Variants in ST3GAL2 observed in about 807,000 individuals in gnomAD.
The protein encoded by ST3GAL2 is ST3 beta-galactoside alpha-2,3-sialyltransferase 2, also known as CMP-N-acetylneuraminate-beta-galactosamide-alpha-2,3-sialyltransferase 2.
ST3GAL2 carries 16 observed loss-of-function variants against 37.5 expected under a neutral mutation model. The ratio of observed to expected loss-of-function variants is 0.43; its 90% confidence interval spans 0.29 to 0.65. The LOEUF (loss-of-function observed/expected upper bound fraction) is 0.65, where lower values mean the gene tolerates loss of function less well. ST3GAL2 is among the 30% of genes least tolerant of loss of function. The pLI is 0.17. For missense variants in ST3GAL2, 383 were observed against 487.8 expected, an observed-to-expected ratio of 0.79 and a Z score of 2.02; for synonymous variants, 238 against 202.9, an observed-to-expected ratio of 1.17 and a Z score of -1.47.
chr16:70,406,403 A>G (rs2047592553), intron 1 of ST3GAL2, among the ~76,000 whole-genome samples: 2 of 151,702 alleles, frequency 1.3e-5, no homozygotes. Flanking sequence ...CCCAGCTACT[A>G]GGGAGGCTGA....
chr16:70,394,891 C>T, intron 3 of ST3GAL2, 91 bp downstream of exon 3: 2 of 1,438,236 alleles, frequency 1.4e-6, no homozygotes, highest in Non-Finnish European at 9.4e-7. Context: ...CGGTAGCTGG[C>T]AGCATGCACC....
chr16:70,420,654 A>C (rs2151674757), intron 1 of ST3GAL2, among the ~76,000 whole-genome samples: 1 of 152,306 alleles, frequency 6.6e-6, no homozygotes, highest in South Asian at 2.1e-4. Context: ...ACAAACCAGT[A>C]ACTTGTTCTT....
intron 1 of ST3GAL2, chr16:70,400,500 G>C (rs973753702): frequency 2.0e-5 from 3 of 152,422 alleles, no homozygotes; most frequent in Admixed American, 1.3e-4. Flanking sequence ...TGTCCTTGTT[G>C]AAGTCTCCAG....
At chr16:70,420,694 C>T (rs548402040) in intron 1 of ST3GAL2, among the ~76,000 whole-genome samples, 6 of 152,322 alleles carry the variant, frequency 3.9e-5, no homozygotes, top group African/African-American at 7.2e-5. Flanking sequence ...ATTCTTTGCA[C>T]GCCCTATCTT....
chr16:70,428,469 C>A (rs987870727), intron 1 of ST3GAL2, among the ~76,000 whole-genome samples: 1 of 152,234 alleles, frequency 6.6e-6, no homozygotes. Flanking sequence ...AACAACCCCT[C>A]CCCCGCTTCC....
rs1170995230 is a variant in ST3GAL2 at position 70,381,417 on chromosome 16, G to C, written c.*272C>G. ...GGGAGTGGGGATTGAGCGGCCGCTG[G>C]CCCGCCCCCGAAGGCCATTGATTGG... On this transcript the variant is annotated 3_prime_UTR_variant, in exon 7 of 7. Coordinates refer to ENST00000342907, the MANE Select transcript of ST3GAL2 (RefSeq NM_006927.4). 1 of 444,402 alleles carries C rather than the reference G, an allele frequency of 2.3e-6. No homozygotes were observed. The highest frequency in any genetic ancestry group is 4.1e-6 in the Non-Finnish European group (1 of 246,564). The allele number at this position is 444,402 out of a possible 1,614,324, so 27.5% of individuals were successfully genotyped here. A position where few individuals can be genotyped will look rare whatever the true frequency, so the allele number is the denominator to read the frequency against.
intron 1 of ST3GAL2, among the ~76,000 whole-genome samples, chr16:70,415,171 G>C (rs2047667383): frequency 6.6e-6 from 1 of 152,142 alleles, no homozygotes; most frequent in South Asian, 2.1e-4. Flanking sequence ...ATCACGCCCA[G>C]CCAATTTTTC....
At chr16:70,389,203 A>AAAAAAAC (rs2047465209) in intron 3 of ST3GAL2, among the ~76,000 whole-genome samples, 1 of 45,064 alleles carries the variant, frequency 2.2e-5, no homozygotes, top group Admixed American at 2.6e-4. Context: ...CCATCTCTAC[A>AAAAAAAC]AAAAAAAAAA....
chr16:70,389,202 C>CAAAAAA (rs1160368910), intron 3 of ST3GAL2, among the ~76,000 whole-genome samples: 282 of 27,372 alleles, frequency 0.01, 94 homozygotes, highest in East Asian at 0.045. Flanking sequence ...CCCATCTCTA[C>CAAAAAA]AAAAAAAAAA....
chr16:70,425,714 C>G (rs2047745212), intron 1 of ST3GAL2, among the ~76,000 whole-genome samples: 1 of 152,046 alleles, frequency 6.6e-6, no homozygotes, highest in South Asian at 2.1e-4. Flanking sequence ...AAGAGCGAAA[C>G]TCTGTCTCAA....
At chr16:70,434,785 C>T (rs906032757) in intron 1 of ST3GAL2, among the ~76,000 whole-genome samples, 3 of 152,176 alleles carry the variant, frequency 2.0e-5, no homozygotes, top group East Asian at 1.9e-4. Flanking sequence ...GCAGCCACTC[C>T]GTTGGCACTG....
At chr16:70,382,555 A>G (rs1328934587) in intron 6 of ST3GAL2, among the ~76,000 whole-genome samples, 1 of 152,172 alleles carries the variant, frequency 6.6e-6, no homozygotes, top group Non-Finnish European at 1.5e-5. Context: ...AAGTGCTGGG[A>G]TTACAGGCGT....
chr16:70,385,198 G>A (rs1007215329), intron 4 of ST3GAL2, among the ~76,000 whole-genome samples: 3 of 152,162 alleles, frequency 2.0e-5, no homozygotes, highest in East Asian at 1.9e-4. Context: ...TCAGCTACTC[G>A]GGAGGCTGAG....
chr16:70,398,835 G>A lies in ST3GAL2; in HGVS notation c.-305C>T. ...TCTCCTGCCACCCTGGTGAGGGGGAGGTCAGTCCATTGCAGCCCTCTAGTC... is the reference window on the plus strand; with the variant it reads ...TCTCCTGCCACCCTGGTGAGGGGGAAGTCAGTCCATTGCAGCCCTCTAGTC... On this transcript the variant is annotated 5_prime_UTR_variant, in exon 2 of 7. Coordinates refer to ENST00000342907, the MANE Select transcript of ST3GAL2 (RefSeq NM_006927.4). 2 of 560,934 alleles carry A rather than the reference G, an allele frequency of 3.6e-6. No individual in the cohort carries two copies. The highest frequency in any genetic ancestry group is 2.8e-5 in the East Asian group (1 of 35,148). 34.7% of individuals were successfully genotyped at this position (560,934 alleles called of 1,614,324 possible).
intron 1 of ST3GAL2, among the ~76,000 whole-genome samples, chr16:70,434,914 GA>G (rs2047814968): frequency 6.6e-6 from 1 of 152,260 alleles, no homozygotes; most frequent in African/African-American, 2.4e-5. Context: ...ACAACAGTTG[GA>G]AAATGCTTTG....
chr16:70,377,103 G>T lies in ST3GAL2; in HGVS notation c.*4586C>A, dbSNP rs2047353395. The T allele has an allele frequency of 1.3e-5, 2 of 149,394 alleles. No homozygotes were observed. The highest frequency in any genetic ancestry group is 5.0e-5 in the African/African-American group (2 of 40,148). 9.3% of individuals were successfully genotyped at this position (149,394 alleles called of 1,614,324 possible). ...GCTGCTCTGGAGGCTGAGGTGGGAGGATCACTTGAATCCAGGAGTTTTTGA... is the reference window on the plus strand; with the variant it reads ...GCTGCTCTGGAGGCTGAGGTGGGAGTATCACTTGAATCCAGGAGTTTTTGA... On this transcript the variant is annotated 3_prime_UTR_variant, in exon 7 of 7. Coordinates refer to ENST00000342907, the MANE Select transcript of ST3GAL2 (RefSeq NM_006927.4).
intron 1 of ST3GAL2, among the ~76,000 whole-genome samples, chr16:70,437,004 C>T (rs1188346493): frequency 6.6e-6 from 1 of 152,176 alleles, no homozygotes; most frequent in East Asian, 1.9e-4. Context: ...TTGCAGACTC[C>T]TTAATCCCAG....
At chr16:70,403,185 T>C (rs1456082633) in intron 1 of ST3GAL2, among the ~76,000 whole-genome samples, 2 of 151,694 alleles carry the variant, frequency 1.3e-5, no homozygotes, top group African/African-American at 4.8e-5. Flanking sequence ...AGGGCTTAAC[T>C]AGTAGGGTAG....
chr16:70,433,667 C>T (rs2151682037), intron 1 of ST3GAL2, among the ~76,000 whole-genome samples: 1 of 152,288 alleles, frequency 6.6e-6, no homozygotes, highest in Non-Finnish European at 1.5e-5. Context: ...CAGCGGTTCC[C>T]TGAAGAGACT....
Sources: gnomAD v4.1 joint callset for allele counts (sites outside exome capture counted in the v4.1 genomes callset) on GRCh38, gnomAD v4.1.1 for gene constraint, MANE v1.5 for transcripts, NCBI Gene and HGNC (gene_info 2026-07-23, HGNC 2026-07-21) for gene names.